Variants in ABCA5 observed in about 807,000 individuals in gnomAD.
The protein encoded by ABCA5 is cholesterol transporter ABCA5.
A neutral mutation model predicts 206.0 loss-of-function variants in ABCA5; 163 were observed. The ratio of observed to expected loss-of-function variants is 0.79; its 90% CI spans 0.70 to 0.90. The LOEUF is 0.90. Among genes scored for constraint, ABCA5 ranks in the 40% least tolerant of loss-of-function variants. ABCA5 has a pLI of 0.00. For missense variants in ABCA5, 1,859 were observed against 1,912.9 expected (o/e 0.97, Z 0.53); for synonymous variants, 609 against 613.8 (o/e 0.99, Z 0.11).
intron 3 of ABCA5, among the ~76,000 whole-genome samples, chr17:69,311,582 C>T (rs1464674264): frequency 1.3e-5 from 2 of 152,040 alleles, no homozygotes; most frequent in African/African-American, 4.8e-5. Context: ...CTCCGCCTCC[C>T]GGGTTCAAGC....
chr17:69,259,855 T>C, intron 27 of ABCA5, 58 bp from the exon 28 acceptor site: 1 of 1,160,094 alleles, frequency 8.6e-7, no homozygotes, highest in South Asian at 1.6e-5. Flanking sequence ...TTGTTGTTGT[T>C]TTTTCCTTTG....
Position 69,318,823 on chromosome 17 carries a change from A to G in ABCA5, c.-15-4393T>C, listed in dbSNP as rs538084425. The G allele has an allele frequency of 9.1e-4, 639 of 704,530 alleles. 4 individuals are homozygous for G. The highest frequency in any genetic ancestry group is 2.0e-3 in the Middle Eastern group (5 of 2,468). 43.6% of individuals were successfully genotyped at this position (704,530 alleles called of 1,614,324 possible). A position where few individuals can be genotyped will look rare whatever the true frequency, so the allele number is the denominator to read the frequency against. ...ATGGTGGCAGACATGTCCAAGGAAT[A>G]TTGTGGGGATTTGATCCCTTTATGA... On this transcript the variant is annotated intron_variant, in intron 1 of 38. Coordinates refer to ENST00000392676, the MANE Select transcript of ABCA5 (RefSeq NM_172232.4).
intron 36 of ABCA5, 39 bp downstream of exon 36, chr17:69,250,433 C>T: frequency 1.3e-6 from 2 of 1,564,526 alleles, no homozygotes; most frequent in Non-Finnish European, 1.7e-6. Flanking sequence ...ATAACCTTTG[C>T]TCTATAAAGA....
At chr17:69,324,868 T>C (rs566067212) in intron 1 of ABCA5, among the ~76,000 whole-genome samples, 173 of 152,312 alleles carry the variant, frequency 1.1e-3, no homozygotes, top group Non-Finnish European at 2.1e-3. Flanking sequence ...TAGGAACATA[T>C]CTGGCACATG....
intron 12 of ABCA5, 50 bp downstream of exon 12, chr17:69,291,166 T>G: frequency 8.0e-7 from 1 of 1,249,932 alleles, no homozygotes; most frequent in Non-Finnish European, 1.1e-6. Context: ...AATACACATT[T>G]AAAGAATATA....
chr17:69,282,723 G>C (rs1159970469), intron 18 of ABCA5, among the ~76,000 whole-genome samples: 1 of 150,048 alleles, frequency 6.7e-6, no homozygotes, highest in Non-Finnish European at 1.5e-5. Context: ...AGTGAGCCGG[G>C]ATGGTGCCAC....
At chr17:69,315,749 C>T (rs1036779203) in intron 1 of ABCA5, among the ~76,000 whole-genome samples, 6 of 146,582 alleles carry the variant, frequency 4.1e-5, no homozygotes, top group Admixed American at 1.4e-4. Context: ...CACCGCTTCA[C>T]ACCAGCCTGG....
intron 21 of ABCA5, 137 bp from the exon 22 acceptor site, chr17:69,270,887 A>G (rs2075265687): frequency 1.2e-6 from 1 of 824,690 alleles, no homozygotes; most frequent in African/African-American, 1.8e-5. Flanking sequence ...AATAATACTC[A>G]ATGACAGATA....
At chr17:69,300,829 T>C (rs2075644551) in intron 9 of ABCA5, among the ~76,000 whole-genome samples, 1 of 152,100 alleles carries the variant, frequency 6.6e-6, no homozygotes, top group South Asian at 2.1e-4. Flanking sequence ...CACTTCATAG[T>C]TTTAGACCTT....
At chr17:69,291,189 T>C in intron 12 of ABCA5, 27 bp downstream of exon 12, 2 of 1,469,300 alleles carry the variant, frequency 1.4e-6, no homozygotes, top group Non-Finnish European at 1.8e-6. Flanking sequence ...TAATGAAGTT[T>C]TTTTTTCTTT....
At chr17:69,250,354 G>GATATAT in intron 36 of ABCA5, 118 bp downstream of exon 36, 1 of 713,674 alleles carries the variant, frequency 1.4e-6, no homozygotes, top group Non-Finnish European at 2.1e-6. Flanking sequence ...CACACACAGA[G>GATATAT]ATATATATAT....
intron 9 of ABCA5, among the ~76,000 whole-genome samples, chr17:69,300,804 T>C (rs553350778): frequency 7.2e-5 from 11 of 152,178 alleles, no homozygotes; most frequent in African/African-American, 2.6e-4. Context: ...AAGAAAATGG[T>C]AGGAGTTACA....
chr17:69,282,163 T>C (rs2075400942), intron 18 of ABCA5, among the ~76,000 whole-genome samples: 2 of 152,208 alleles, frequency 1.3e-5, no homozygotes, highest in African/African-American at 4.8e-5. Context: ...TTTGTCCTCA[T>C]CTTATTCTTC....
rs370293228 is a variant in ABCA5 at position 69,255,650 on chromosome 17, GA to G, written c.3977-17del. The G allele has an allele frequency of 3.1e-5, 49 of 1,562,666 alleles. No homozygotes were observed. Among genetic ancestry groups the G allele is most frequent in the Admixed American group, 2.6e-4 (12 of 46,080 alleles). ...AAGATCTCTCCTAAAGGAATTGAAA[GA>G]AAAAAAAATCATAATCAAATCATAC... On this transcript the variant is annotated splice_polypyrimidine_tract_variant and intron_variant, in intron 30 of 38. Transcript: ENST00000392676.
In ABCA5 at chr17:69,284,874, C is replaced by T. The variant is rs116972066; in HGVS notation, c.2273-802G>A. ...TTATGAATTCCCTTAAGAGGTCTTA[C>T]GGTCCATCCTACAGGAGATCCCAGA... is the stretch of plus-strand genomic sequence containing the variant. On this transcript the variant is annotated intron_variant, in intron 17 of 38. Transcript: ENST00000392676. 3.1e-4 allele frequency among the ~76,000 whole-genome samples: 47 copies of T among 152,254 alleles called. No individual in the cohort carries two copies. The East Asian group carries it at 8.5e-3, about 28-fold the overall frequency.
chr17:69,322,241 G>A (rs936575871), intron 1 of ABCA5, among the ~76,000 whole-genome samples: 1 of 151,302 alleles, frequency 6.6e-6, no homozygotes, highest in South Asian at 2.1e-4. Flanking sequence ...GTGGTGGCGG[G>A]CACCTGTAAT....
intron 17 of ABCA5, 146 bp from the exon 18 acceptor site, chr17:69,284,218 C>T (rs1312970755): frequency 1.6e-6 from 1 of 611,272 alleles, no homozygotes; most frequent in Non-Finnish European, 2.4e-6. Flanking sequence ...ATTAGCTAGG[C>T]ATAAATACTG....
At chr17:69,266,598 T>A (rs1011108305) in intron 23 of ABCA5, among the ~76,000 whole-genome samples, 36 of 146,566 alleles carry the variant, frequency 2.5e-4, no homozygotes, top group African/African-American at 8.9e-4. Context: ...ATAAAAAAAT[T>A]AAAAAATAAA....
At chr17:69,316,702 A>G (rs1454601640) in intron 1 of ABCA5, among the ~76,000 whole-genome samples, 1 of 152,160 alleles carries the variant, frequency 6.6e-6, no homozygotes, top group East Asian at 1.9e-4. Flanking sequence ...AAACATAAAG[A>G]AAATCCATGC....
Sources: gnomAD v4.1 joint callset for allele counts (sites outside exome capture counted in the v4.1 genomes callset) on GRCh38, gnomAD v4.1.1 for gene constraint, MANE v1.5 for transcripts, NCBI Gene and HGNC (gene_info 2026-07-23, HGNC 2026-07-21) for gene names.